The following IL3RA variants were observed in gnomAD, a reference collection of about 807,000 sequenced individuals.
The protein encoded by IL3RA is interleukin 3 receptor subunit alpha, also known as interleukin-3 receptor subunit alpha.
In IL3RA, 73 loss-of-function variants were observed where a neutral mutation model predicts 52.3. The ratio of observed to expected loss-of-function variants is 1.40; its 90% CI spans 1.16 to 1.70. IL3RA has a LOEUF of 1.70. Ranked by LOEUF, IL3RA falls within the 40% of genes most tolerant of loss-of-function variation. The pLI, the probability that IL3RA is intolerant of heterozygous loss-of-function variation, is 0.00. For missense variants in IL3RA, 664 were observed against 504.4 expected, an observed-to-expected ratio of 1.32 and a Z score of -3.03; for synonymous variants, 260 against 194.0, an observed-to-expected ratio of 1.34 and a Z score of -2.83.
At position 1,348,568 on chromosome X, in the gene IL3RA, G is replaced by C. The variant is rs778526231; in HGVS notation, c.298+23G>C. 20 of 1,562,592 alleles carry C rather than the reference G, an allele frequency of 1.3e-5. 1 individual carries two copies. The South Asian group carries it at 2.0e-4, about 16-fold the overall frequency. ...ACAGTGAGAAAAATGTTCATTGTTTGTTTATTCTCTATTCCCTCCCTCCTT... is the reference window on the plus strand; with the variant it reads ...ACAGTGAGAAAAATGTTCATTGTTTCTTTATTCTCTATTCCCTCCCTCCTT... On this transcript the variant is annotated intron_variant, in intron 4 of 11. Coordinates refer to ENST00000331035, the MANE Select transcript of IL3RA (RefSeq NM_002183.4).
Position 1,373,876 on chromosome X carries a change from A to G in IL3RA, c.875-4783A>G, listed in dbSNP as rs369901521. Among the ~76,000 whole-genome samples, 381 of 54,914 alleles carry G rather than the reference A, an allele frequency of 6.9e-3. 4 individuals are homozygous for G. Among genetic ancestry groups the G allele is most frequent in the African/African-American group, 0.016 (81 of 5,024 alleles). 36.0% of individuals were successfully genotyped at this position (54,914 alleles called of 152,430 possible). Reference sequence around the variant, plus strand: ...GACGGCATCTCCAAGCCCAGGAGAGAGGCCTCAGGAGGAACCAGCCCTGCC... The same window carrying G: ...GACGGCATCTCCAAGCCCAGGAGAGGGGCCTCAGGAGGAACCAGCCCTGCC... On this transcript the variant is annotated intron_variant, in intron 9 of 11. Coordinates refer to ENST00000331035, the MANE Select transcript of IL3RA (RefSeq NM_002183.4).
chrX:1,341,405 A>G (rs2085486475), intron 1 of IL3RA, among the ~76,000 whole-genome samples: 1 of 152,200 alleles, frequency 6.6e-6, no homozygotes, highest in Non-Finnish European at 1.5e-5. Context: ...AGACACATGT[A>G]CACAGTACCC....
chrX:1,370,280 A>T, intron 9 of IL3RA, among the ~76,000 whole-genome samples: 1 of 19,750 alleles, frequency 5.1e-5, no homozygotes, highest in Non-Finnish European at 7.5e-5. Context: ...AGATGGACTA[A>T]GCCATCTCAT....
chrX:1,378,645 C>T lies in IL3RA; in HGVS notation c.875-14C>T. The T allele has an allele frequency of 1.2e-6, 2 of 1,610,114 alleles. No homozygotes were observed. Among genetic ancestry groups the T allele is most frequent in the South Asian group, 2.2e-5 (2 of 90,896 alleles). On this transcript the variant is annotated splice_polypyrimidine_tract_variant and intron_variant, in intron 9 of 11. Transcript: ENST00000331035. ...CGGCCCCCGGTCTGTGACCCTCTCACCCTTTACCCCTAGAGTGCGACCAGG... is the reference window on the plus strand; with the variant it reads ...CGGCCCCCGGTCTGTGACCCTCTCATCCTTTACCCCTAGAGTGCGACCAGG...
chrX:1,379,686 C>T (rs2089038581), intron 10 of IL3RA, among the ~76,000 whole-genome samples: 1 of 152,234 alleles, frequency 6.6e-6, no homozygotes, highest in South Asian at 2.1e-4. Context: ...TCACAGCTGT[C>T]CACTTGGATG....
In IL3RA at chrX:1,359,704, ATCTCTCTCTCCCTG is replaced by A. The variant is rs1435018306; in HGVS notation, c.759+830_759+843del. ...TCTATCTTTCTCCCTTTCTCCCTCCATCTCTCTCTCCCTGTCTCTCTCTCCCCGTTCCCATCTCT... is the reference window on the plus strand; with the variant it reads ...TCTATCTTTCTCCCTTTCTCCCTCCATCTCTCTCTCCCCGTTCCCATCTCT... On this transcript the variant is annotated intron_variant, in intron 8 of 11. Coordinates refer to ENST00000331035, the MANE Select transcript of IL3RA (RefSeq NM_002183.4). Among the ~76,000 whole-genome samples, 4 of 79,620 alleles carry A rather than the reference ATCTCTCTCTCCCTG, an allele frequency of 5.0e-5. No homozygotes were observed. In the East Asian group the frequency reaches 1.0e-3, roughly 21 times the overall value. The allele number at this position is 79,620 out of a possible 152,430, so 52.2% of individuals were successfully genotyped here.
chrX:1,347,410 A>G (rs1361236963), intron 3 of IL3RA, among the ~76,000 whole-genome samples: 1 of 151,412 alleles, frequency 6.6e-6, no homozygotes, highest in Admixed American at 6.6e-5. Context: ...GCGCCACTGC[A>G]CTCCAGCCTG....
intron 9 of IL3RA, among the ~76,000 whole-genome samples, chrX:1,378,192 A>AG (rs1484073688): frequency 1.3e-5 from 2 of 151,346 alleles, no homozygotes; most frequent in African/African-American, 4.8e-5. Flanking sequence ...CAAAAAAAAA[A>AG]AAAAAAGAAA....
At chrX:1,342,599 C>T (rs1279721509) in intron 2 of IL3RA, among the ~76,000 whole-genome samples, 6 of 117,748 alleles carry the variant, frequency 5.1e-5, no homozygotes, top group South Asian at 2.8e-4. Flanking sequence ...TCATTCTGGT[C>T]GCCCAGGCTG....
chrX:1,342,008 TGCA>T (rs1361096245), intron 2 of IL3RA, among the ~76,000 whole-genome samples, 179 bp downstream of exon 2: 1 of 152,068 alleles, frequency 6.6e-6, no homozygotes, highest in East Asian at 1.9e-4. Context: ...TTCCCTGTAA[TGCA>T]GCATCTTGCA....
intron 5 of IL3RA, 31 bp downstream of exon 5, chrX:1,352,263 G>A (rs774498666): frequency 6.2e-7 from 1 of 1,613,220 alleles, no homozygotes; most frequent in South Asian, 1.1e-5. Flanking sequence ...AGGCCGGGCT[G>A]TCCCTGGTGC....
intron 3 of IL3RA, among the ~76,000 whole-genome samples, chrX:1,345,816 A>G (rs1364631601): frequency 6.6e-6 from 1 of 151,922 alleles, no homozygotes; most frequent in African/African-American, 2.4e-5. Flanking sequence ...GACGAACAAG[A>G]CGTTTCCGTC....
At chrX:1,345,792 G>A (rs1707609252) in intron 3 of IL3RA, among the ~76,000 whole-genome samples, 1 of 151,826 alleles carries the variant, frequency 6.6e-6, no homozygotes, top group African/African-American at 2.4e-5. Flanking sequence ...GCATGGCCCA[G>A]ACTCTCTAAT....
rs111316615 is a variant in IL3RA at position 1,379,897 on chromosome X, A to T, written c.981-1126A>T. 2.8e-3 allele frequency among the ~76,000 whole-genome samples: 425 copies of T among 152,318 alleles called. 2 individuals carry two copies. Among genetic ancestry groups the T allele is most frequent in the African/African-American group, 9.8e-3 (408 of 41,568 alleles). On this transcript the variant is annotated intron_variant, in intron 10 of 11. Coordinates refer to ENST00000331035, the MANE Select transcript of IL3RA (RefSeq NM_002183.4). The stretch of plus-strand genomic sequence containing the variant: ...GCCTCAGCCTCCCTGAGTAGCTGGG[A>T]TTACAAGGATGTGCCACCACGCCTG...
In IL3RA at chrX:1,345,343, G is replaced by A. The variant is rs780177712; in HGVS notation, c.92G>A (p.Arg31Lys). ...EDPNPPITNL[R>K]MKAKAQQLTW... is the part of the protein sequence containing the mutation. ...CCAAACCCACCAATCACGAACCTAA[G>A]GATGAAAGCAAAGGCTCAGCAGTTG... is the stretch of plus-strand genomic sequence containing the variant. The change falls in exon 3 of 12, where the codon AGG (arginine) becomes AAG (lysine). Residue 31 changes from arginine to lysine, a missense_variant. By Grantham distance (26) the Arg-to-Lys change is conservative (BLOSUM62 2). Coordinates refer to ENST00000331035, the MANE Select transcript of IL3RA (RefSeq NM_002183.4). 1.1e-5 allele frequency: 18 copies of A among 1,611,092 alleles called. No individual in the cohort carries two copies. The highest frequency in any genetic ancestry group is 1.5e-5 in the Non-Finnish European group (18 of 1,178,326).
intron 6 of IL3RA, 95 bp downstream of exon 6, chrX:1,352,601 G>T: frequency 7.8e-7 from 1 of 1,278,042 alleles, no homozygotes. Context: ...GGCTCCCAAC[G>T]CAGACGTTGG....
intron 2 of IL3RA, among the ~76,000 whole-genome samples, chrX:1,344,749 G>C (rs1393413173): frequency 6.6e-6 from 1 of 151,348 alleles, no homozygotes; most frequent in East Asian, 1.9e-4. Flanking sequence ...CTCCAGCCTG[G>C]GTGACAAGAG....
chrX:1,363,568 G>T (rs1380901250), intron 8 of IL3RA, among the ~76,000 whole-genome samples: 1 of 150,612 alleles, frequency 6.6e-6, no homozygotes, highest in Non-Finnish European at 1.5e-5. Context: ...GATTACAGGC[G>T]TGAGCCACCG....
chrX:1,356,159 A>T lies in IL3RA; in HGVS notation c.617-62A>T, dbSNP rs368286922. 45 of 1,092,170 alleles carry T rather than the reference A, an allele frequency of 4.1e-5. No homozygotes were observed. The South Asian group carries it at 4.7e-4, about 11-fold the overall frequency. 67.7% of individuals were successfully genotyped at this position (1,092,170 alleles called of 1,614,324 possible). A position where few individuals can be genotyped will look rare whatever the true frequency, so the allele number is the denominator to read the frequency against. On this transcript the variant is annotated intron_variant, in intron 6 of 11. Coordinates refer to ENST00000331035, the MANE Select transcript of IL3RA (RefSeq NM_002183.4). ...GAAGTATCTCCAGAAAAAAAAAGAG[A>T]AAAAGAAAAAGAATTGATTTCTTGT...
Sources: gnomAD v4.1 joint callset for allele counts (sites outside exome capture counted in the v4.1 genomes callset) on GRCh38, gnomAD v4.1.1 for gene constraint, MANE v1.5 for transcripts, NCBI Gene and HGNC (gene_info 2026-07-23, HGNC 2026-07-21) for gene names.